Variants in TMCO5A observed in about 807,000 individuals in gnomAD.
TMCO5A encodes transmembrane and coiled-coil domains 5A.
In TMCO5A, 34 loss-of-function variants were observed where a neutral mutation model predicts 42.3. That is an observed-to-expected ratio of 0.80 (90% CI 0.61 to 1.07). The LOEUF (loss-of-function observed/expected upper bound fraction) is 1.07. TMCO5A is among the 50% of genes least tolerant of loss of function. The probability of loss-of-function intolerance (pLI) is 0.00; values close to 1 mark genes in which losing one functional copy is unlikely to be tolerated. For missense variants in TMCO5A, 357 were observed against 327.9 expected (o/e 1.09, Z -0.69); for synonymous variants, 131 against 115.6 (o/e 1.13, Z -0.86).
chr15:38,036,789 A>G, the TMCO5A span, among the ~76,000 whole-genome samples: 4 of 152,036 alleles, frequency 2.6e-5, no homozygotes, highest in Non-Finnish European at 2.9e-5. Context: ...TGGTATAATT[A>G]TGTGCTTGCA....
At chr15:38,007,113 G>A in the TMCO5A span, among the ~76,000 whole-genome samples, 1 of 151,996 alleles carries the variant, frequency 6.6e-6, no homozygotes, top group African/African-American at 2.4e-5. Context: ...ACTATTCTTA[G>A]CTTGTGGGCT....
the TMCO5A span, among the ~76,000 whole-genome samples, chr15:37,989,597 T>C: frequency 1.3e-5 from 2 of 152,138 alleles, no homozygotes; most frequent in African/African-American, 4.8e-5. Context: ...TTCATGAATT[T>C]TCCAATTTTC....
chr15:37,941,040 G>C, intron 6 of TMCO5A, 109 bp from the exon 7 acceptor site: 1 of 952,658 alleles, frequency 1.0e-6, no homozygotes. Context: ...GACGTGTGAA[G>C]TCATGGCCCT....
the TMCO5A span, among the ~76,000 whole-genome samples, chr15:37,997,932 G>A: frequency 6.6e-6 from 1 of 152,082 alleles, no homozygotes; most frequent in African/African-American, 2.4e-5. Flanking sequence ...ATTTTGATTT[G>A]CAGTTCTCTG....
chr15:37,972,681 G>A (rs983168933), downstream of TMCO5A, among the ~76,000 whole-genome samples: 3 of 151,936 alleles, frequency 2.0e-5, no homozygotes, highest in African/African-American at 4.8e-5. Flanking sequence ...CTGGATATTC[G>A]ACATTTATTG....
At chr15:37,959,575 A>T (rs939321356) in intron 11 of TMCO5A, among the ~76,000 whole-genome samples, 5 of 151,804 alleles carry the variant, frequency 3.3e-5, no homozygotes, top group Admixed American at 1.3e-4. Flanking sequence ...CAACAGAATG[A>T]AGGAAAAAAC....
chr15:37,982,728 T>C, the TMCO5A span, among the ~76,000 whole-genome samples: 1 of 141,390 alleles, frequency 7.1e-6, no homozygotes, highest in Admixed American at 7.1e-5. Context: ...TAAATATCTA[T>C]AATATATAAA....
intron 11 of TMCO5A, among the ~76,000 whole-genome samples, chr15:37,948,698 G>A (rs1566919290): frequency 6.6e-6 from 1 of 152,096 alleles, no homozygotes; most frequent in Admixed American, 6.6e-5. Flanking sequence ...AGCTAATCAT[G>A]TCAAACTATA....
At chr15:38,026,711 G>A in the TMCO5A span, among the ~76,000 whole-genome samples, 1 of 152,332 alleles carries the variant, frequency 6.6e-6, no homozygotes, top group East Asian at 1.9e-4. Flanking sequence ...TCACAGGCCT[G>A]GAGGCCTGAG....
intron 6 of TMCO5A, among the ~76,000 whole-genome samples, chr15:37,940,901 A>C (rs868790772): frequency 6.6e-6 from 1 of 152,140 alleles, no homozygotes; most frequent in South Asian, 2.1e-4. Flanking sequence ...AAGTAAGAGT[A>C]GGAAGCTCAG....
chr15:37,975,570 C>T, the TMCO5A span, among the ~76,000 whole-genome samples: 1 of 150,910 alleles, frequency 6.6e-6, no homozygotes, highest in Non-Finnish European at 1.5e-5. Context: ...CTGCTTTTTC[C>T]TGTTTTCCAT....
At chr15:37,998,600 G>A in the TMCO5A span, among the ~76,000 whole-genome samples, 438 of 152,222 alleles carry the variant, frequency 2.9e-3, 3 homozygotes, top group Admixed American at 5.0e-3. Context: ...GGTTACTATA[G>A]CTCTGTAGTA....
chr15:37,974,280 A>T, the TMCO5A span, among the ~76,000 whole-genome samples: 3 of 152,192 alleles, frequency 2.0e-5, no homozygotes, highest in Non-Finnish European at 4.4e-5. Context: ...TCATAGAATG[A>T]GTTAGGGAGG....
chr15:38,022,761 G>GGGTATAT, the TMCO5A span, among the ~76,000 whole-genome samples: 1 of 151,972 alleles, frequency 6.6e-6, no homozygotes, highest in Non-Finnish European at 1.5e-5. Flanking sequence ...GTGGAGGCAG[G>GGGTATAT]GGTATATGGG....
At chr15:38,030,991 A>C in the TMCO5A span, among the ~76,000 whole-genome samples, 1 of 152,222 alleles carries the variant, frequency 6.6e-6, no homozygotes, top group Admixed American at 6.5e-5. Context: ...AAGCACCAGA[A>C]GGTCAAGGTG....
At chr15:37,967,887 G>A (rs1002712021), downstream of TMCO5A, among the ~76,000 whole-genome samples, 1 of 152,088 alleles carries the variant, frequency 6.6e-6, no homozygotes, top group African/African-American at 2.4e-5. Context: ...CCATTGCTTT[G>A]TGAGAACACA....
At chr15:37,950,916 AG>A in intron 11 of TMCO5A, 119 bp from the exon 12 acceptor site, 1 of 806,966 alleles carries the variant, frequency 1.2e-6, no homozygotes. Context: ...TTGTCAGGAA[AG>A]GGGGTGATAA....
chr15:38,025,016 T>A, the TMCO5A span: 1 of 152,316 alleles, frequency 6.6e-6, no homozygotes, highest in Non-Finnish European at 1.5e-5. Flanking sequence ...CTGTTGTTCA[T>A]AAGCCACATA....
intron 10 of TMCO5A, among the ~76,000 whole-genome samples, chr15:37,946,050 T>C (rs761066028): frequency 6.6e-6 from 1 of 152,200 alleles, no homozygotes; most frequent in Non-Finnish European, 1.5e-5. Context: ...TTGTATATTA[T>C]GTAAGGAAGC....
Sources: gnomAD v4.1 joint callset for allele counts (sites outside exome capture counted in the v4.1 genomes callset) on GRCh38, gnomAD v4.1.1 for gene constraint, MANE v1.5 for transcripts, NCBI Gene and HGNC (gene_info 2026-07-23, HGNC 2026-07-21) for gene names.